Variants in ARID5B observed in about 807,000 individuals in gnomAD.
ARID5B encodes the protein AT-rich interaction domain 5B, also known as AT-rich interactive domain-containing protein 5B.
In ARID5B, 13 loss-of-function variants were observed where a neutral mutation model predicts 97.2. That is an observed-to-expected ratio of 0.13 (90% CI 0.09 to 0.21). The LOEUF (loss-of-function observed/expected upper bound fraction) is 0.21. Among genes scored for constraint, ARID5B ranks in the 10% least tolerant of loss-of-function variants. The pLI is 1.00. For synonymous variants in ARID5B, 556 were observed against 570.3 expected, an observed-to-expected ratio of 0.97 and a Z score of 0.36; for missense variants, 1,210 against 1,465.3, an observed-to-expected ratio of 0.83 and a Z score of 2.84.
At chr10:61,950,073 T>C (rs372549301) in intron 3 of ARID5B, among the ~76,000 whole-genome samples, 2 of 152,188 alleles carry the variant, frequency 1.3e-5, no homozygotes, top group Admixed American at 6.5e-5. Context: ...AGTGGTGCGA[T>C]CTCTGCAGAC....
chr10:62,090,038 T>C (rs1382793784), intron 9 of ARID5B, among the ~76,000 whole-genome samples: 1 of 152,220 alleles, frequency 6.6e-6, no homozygotes, highest in Non-Finnish European at 1.5e-5. Flanking sequence ...ATGAGTCGAA[T>C]TGGTACCCAC....
At chr10:62,043,898 G>C (rs1469638158) in intron 4 of ARID5B, among the ~76,000 whole-genome samples, 3 of 152,166 alleles carry the variant, frequency 2.0e-5, no homozygotes, top group Non-Finnish European at 2.9e-5. Context: ...GAAGTCCATG[G>C]CTGTTTTGGA....
intron 3 of ARID5B, among the ~76,000 whole-genome samples, chr10:61,956,571 ACT>A (rs988705513): frequency 3.9e-5 from 6 of 152,066 alleles, no homozygotes; most frequent in African/African-American, 1.4e-4. Context: ...CCTCCTCAGC[ACT>A]CTCTGTCCCC....
chr10:62,022,226 T>C (rs1384643634), intron 4 of ARID5B, among the ~76,000 whole-genome samples: 5 of 152,242 alleles, frequency 3.3e-5, no homozygotes, highest in African/African-American at 4.8e-5. Flanking sequence ...TGAGGTTCTC[T>C]AGATGGTGTG....
chr10:62,060,646 T>G (rs1027633241), intron 7 of ARID5B, among the ~76,000 whole-genome samples: 1 of 151,060 alleles, frequency 6.6e-6, no homozygotes, highest in Non-Finnish European at 1.5e-5. Context: ...CTCATTCATG[T>G]AAAAAAAAAT....
At chr10:62,060,130 T>G (rs575099095) in intron 7 of ARID5B, among the ~76,000 whole-genome samples, 23 of 152,332 alleles carry the variant, frequency 1.5e-4, no homozygotes, top group Non-Finnish European at 2.9e-4. Context: ...CCCTGAGAAG[T>G]AATCTGGGAT....
intron 4 of ARID5B, among the ~76,000 whole-genome samples, chr10:62,042,649 C>T (rs1218863241): frequency 2.6e-5 from 4 of 152,158 alleles, no homozygotes; most frequent in African/African-American, 7.2e-5. Context: ...TCGTGGCTCA[C>T]GCCTGTGGTC....
intron 4 of ARID5B, among the ~76,000 whole-genome samples, chr10:62,019,978 T>C (rs377321961): frequency 6.6e-6 from 1 of 152,208 alleles, no homozygotes; most frequent in East Asian, 1.9e-4. Flanking sequence ...ATTGTGACCC[T>C]CCTAACTGTG....
chr10:61,962,190 G>A lies in ARID5B; in HGVS notation c.502+21782G>A, dbSNP rs117500045. ...AATGAGCTTCTTCAGAAATTGCCTC[G>A]CCAAAGGTGATTTGCCAAGGTTGAA... On this transcript the variant is annotated intron_variant, in intron 3 of 9. Coordinates refer to ENST00000279873, the MANE Select transcript of ARID5B (RefSeq NM_032199.3). Among the ~76,000 whole-genome samples the A allele has an allele frequency of 4.1e-3, 627 of 152,248 alleles. 4 individuals are homozygous for A. Among genetic ancestry groups the A allele is most frequent in the Non-Finnish European group, 7.1e-3 (484 of 68,016 alleles).
At chr10:62,025,319 C>A (rs911328441) in intron 4 of ARID5B, 1 of 152,134 alleles carries the variant, frequency 6.6e-6, no homozygotes, top group African/African-American at 2.4e-5. Flanking sequence ...TGCAACAAAT[C>A]TCACAGTAAA....
intron 2 of ARID5B, among the ~76,000 whole-genome samples, chr10:61,917,959 G>A (rs934914676): frequency 6.6e-6 from 1 of 152,174 alleles, no homozygotes; most frequent in African/African-American, 2.4e-5. Flanking sequence ...TGGAGAAGGG[G>A]CCCTTGAAAA....
chr10:62,078,244 T>C (rs1840163651), intron 8 of ARID5B, among the ~76,000 whole-genome samples: 1 of 152,224 alleles, frequency 6.6e-6, no homozygotes, highest in African/African-American at 2.4e-5. Context: ...ATCCCAGCAC[T>C]TTGGGAGGCC....
intron 4 of ARID5B, among the ~76,000 whole-genome samples, chr10:62,036,204 A>G (rs770431757): frequency 4.6e-4 from 70 of 152,312 alleles, no homozygotes; most frequent in Admixed American, 7.8e-4. Flanking sequence ...GAGGAAGCCC[A>G]GGAACAAAGG....
chr10:61,950,847 G>A (rs895938239), intron 3 of ARID5B, among the ~76,000 whole-genome samples: 2 of 152,218 alleles, frequency 1.3e-5, no homozygotes, highest in Non-Finnish European at 2.9e-5. Context: ...ATTACTGACA[G>A]TGAGCCATTA....
chr10:61,964,722 T>C (rs1838519313), intron 3 of ARID5B, among the ~76,000 whole-genome samples: 2 of 152,214 alleles, frequency 1.3e-5, no homozygotes, highest in South Asian at 2.1e-4. Flanking sequence ...GCAATGGTGC[T>C]TTGGGGTAGT....
chr10:62,005,024 A>G (rs1839128481), intron 4 of ARID5B, among the ~76,000 whole-genome samples: 1 of 152,242 alleles, frequency 6.6e-6, no homozygotes, highest in Non-Finnish European at 1.5e-5. Flanking sequence ...GCAAAGAAGA[A>G]TAAGAAGTTG....
intron 4 of ARID5B, among the ~76,000 whole-genome samples, chr10:62,010,321 T>C (rs562168762): frequency 4.6e-5 from 7 of 152,360 alleles, no homozygotes; most frequent in African/African-American, 1.7e-4. Context: ...TTGTCCCTTA[T>C]GTGTTACTCA....
chr10:61,909,323 T>G (rs913068219), intron 2 of ARID5B, among the ~76,000 whole-genome samples: 3 of 135,894 alleles, frequency 2.2e-5, no homozygotes, highest in South Asian at 2.5e-4. Flanking sequence ...AGTGAGTTTT[T>G]TTTTTTTTTT....
chr10:61,902,687 G>GTA (rs1564595930), intron 2 of ARID5B, among the ~76,000 whole-genome samples: 2 of 150,192 alleles, frequency 1.3e-5, no homozygotes. Flanking sequence ...GTGTGTGTGT[G>GTA]TGTGTGTGTG....
Sources: allele counts gnomAD v4.1 joint callset (sites outside exome capture counted in the v4.1 genomes callset), GRCh38; gene constraint gnomAD v4.1.1; transcripts MANE v1.5; gene names NCBI Gene and HGNC (gene_info 2026-07-23, HGNC 2026-07-21).